ISL2: variants seen among roughly 807,000 people sequenced by gnomAD.
ISL2 encodes ISL LIM homeobox 2, also known as insulin gene enhancer protein ISL-2.
A neutral mutation model predicts 34.6 loss-of-function variants in ISL2; 17 were observed. That is an observed-to-expected ratio of 0.49 (90% CI 0.34 to 0.74). The LOEUF (loss-of-function observed/expected upper bound fraction) is 0.74. Among genes scored for constraint, ISL2 ranks in the 30% least tolerant of loss-of-function variants. The probability of loss-of-function intolerance (pLI) is 0.01; values close to 1 mark genes in which losing one functional copy is unlikely to be tolerated. For missense variants in ISL2, 469 were observed against 515.2 expected, an observed-to-expected ratio of 0.91 and a Z score of 0.87; for synonymous variants, 232 against 225.5, an observed-to-expected ratio of 1.03 and a Z score of -0.26.
At chr15:76,338,116 G>A in intron 2 of ISL2, 136 bp from the exon 3 acceptor site, 2 of 1,359,654 alleles carry the variant, frequency 1.5e-6, no homozygotes, top group Non-Finnish European at 1.9e-6. Context: ...CCCGGGCCCG[G>A]GAATGCCCGC....
chr15:76,341,489 G>T lies in ISL2; in HGVS notation c.963+188G>T, dbSNP rs73448125. ...CGGCCCATTACGCGCCCTAAACCAG[G>T]TCTCCCTGGATTAAAGTGCTCACAA... On this transcript the variant is annotated intron_variant, in intron 5 of 5. Coordinates refer to ENST00000290759, the MANE Select transcript of ISL2 (RefSeq NM_145805.3). Among the ~76,000 whole-genome samples the T allele has an allele frequency of 4.4e-3, 671 of 152,328 alleles. 8 individuals carry two copies. Among genetic ancestry groups the T allele is most frequent in the African/African-American group, 0.015 (639 of 41,566 alleles).
intron 4 of ISL2, among the ~76,000 whole-genome samples, 194 bp downstream of exon 4, chr15:76,340,753 C>T (rs567965861): frequency 6.6e-6 from 1 of 152,378 alleles, no homozygotes; most frequent in Admixed American, 6.5e-5. Flanking sequence ...ATCGGGGTTT[C>T]TCCTTGTCCC....
In ISL2 at chr15:76,341,135, G is replaced by A. The variant is rs1453632220; in HGVS notation, c.797G>A (p.Ser266Asn). Residue 266 changes from serine (S) to asparagine (N), a missense_variant and splice_region_variant, in exon 5 of 6, where the codon AGC becomes AAC. Transcript: ENST00000290759. The stretch of plus-strand genomic sequence containing the variant: ...TACTGCCTTCTGCTTGCCCCGCAGA[G>A]CCTTCAGGGACTGACTGGGACGCCC... ...LQQQQHSDKT[S>N]LQGLTGTPLV... 1.9e-6 allele frequency: 3 copies of A among 1,587,428 alleles called. No homozygotes were observed. The African/African-American group carries it at 4.0e-5, about 21-fold the overall frequency.
Position 76,336,815 on chromosome 15 carries a change from C to T in ISL2, c.-69C>T. On this transcript the variant is annotated 5_prime_UTR_variant, in exon 1 of 6. Transcript: ENST00000290759. Reference sequence around the variant, plus strand: ...CAGTAGGAGTTAGTTAGCAAAGAGCCGAGGCCGGGCGCGCGACCCTCGTCC... The same window carrying T: ...CAGTAGGAGTTAGTTAGCAAAGAGCTGAGGCCGGGCGCGCGACCCTCGTCC... The T allele has an allele frequency of 7.1e-7, 1 of 1,405,354 alleles. No individual in the cohort carries two copies. Among genetic ancestry groups the T allele is most frequent in the Non-Finnish European group, 1.0e-6 (1 of 990,824 alleles). The allele number at this position is 1,405,354 out of a possible 1,614,324, so 87.1% of individuals were successfully genotyped here. A position where few individuals can be genotyped will look rare whatever the true frequency, so the allele number is the denominator to read the frequency against.
At chr15:76,337,229 G>GT (rs1449369211) in intron 1 of ISL2, among the ~76,000 whole-genome samples, 2 of 88,702 alleles carry the variant, frequency 2.3e-5, no homozygotes, top group Admixed American at 1.1e-4. Context: ...TAGGGATGTG[G>GT]GTTTTTTTTT....
At chr15:76,339,447 G>C in intron 3 of ISL2, 1 of 985,462 alleles carries the variant, frequency 1.0e-6, no homozygotes, top group Non-Finnish European at 1.2e-6. Context: ...ATGTGAAATG[G>C]GAGCAAGCGG....
Position 76,336,920 on chromosome 15 carries a change from G to A in ISL2, c.37G>A (p.Ala13Thr), listed in dbSNP as rs770176399. The A allele has an allele frequency of 5.0e-6, 8 of 1,612,904 alleles. No individual in the cohort carries two copies. The highest frequency in any genetic ancestry group is 5.9e-6 in the Non-Finnish European group (7 of 1,178,910). The change falls in exon 1 of 6, where the codon GCT becomes ACT. Residue 13 changes from alanine (A) to threonine (T), a missense_variant. Coordinates refer to ENST00000290759, the MANE Select transcript of ISL2 (RefSeq NM_145805.3). ...TATTTTTCATTATCCTTTTCTGGGT[G>A]CTATGGGTGATCATTCCAAGAGTAA... ...DIIFHYPFLG[A>T]MGDHSKKKPG...
chr15:76,338,436 C>G lies in ISL2; in HGVS notation c.433C>G (p.Leu145Val). ...GCTGCTCTGCCGCGCCGACCACGGC[C>G]TCCTGCTCGAGCGCGCCGCGGCCGG... Reference protein sequence around the residue: ...HELLCRADHGLLLERAAAGSP... With the variant: ...HELLCRADHGVLLERAAAGSP... The change falls in exon 3 of 6, where the codon CTC (leucine) becomes GTC (valine). Residue 145 changes from leucine (L) to valine (V), a missense_variant. Coordinates refer to ENST00000290759, the MANE Select transcript of ISL2 (RefSeq NM_145805.3). 6.8e-7 allele frequency: 1 copy of G among 1,466,950 alleles called. No homozygotes were observed. Among genetic ancestry groups the G allele is most frequent in the Non-Finnish European group, 9.0e-7 (1 of 1,114,206 alleles). 90.9% of individuals were successfully genotyped at this position (1,466,950 alleles called of 1,614,324 possible).
intron 1 of ISL2, 30 bp downstream of exon 1, chr15:76,336,971 GGTGT>G: frequency 1.3e-6 from 2 of 1,584,840 alleles, no homozygotes; most frequent in Non-Finnish European, 1.7e-6. Flanking sequence ...TGTGGGGTGG[GGTGT>G]GTGTGTATGC....
intron 3 of ISL2, chr15:76,339,975 C>T (rs979462255): frequency 9.3e-5 from 113 of 1,218,778 alleles, no homozygotes; most frequent in Admixed American, 2.9e-4. Context: ...CTGGAGGAGG[C>T]ACATCCCTGA....
rs1403821472 is a variant in ISL2, at chr15:76,341,708, C to T, written c.964-11C>T. 1 of 1,597,992 alleles carries T rather than the reference C, an allele frequency of 6.3e-7. No individual in the cohort carries two copies. Among genetic ancestry groups the T allele is most frequent in the South Asian group, 1.1e-5 (1 of 90,738 alleles). On this transcript the variant is annotated splice_polypyrimidine_tract_variant and intron_variant, in intron 5 of 5. Transcript: ENST00000290759. ...TTCACCTGCCTCTTCCCGGTGTTTCCGCCGCCCCAGGTCTCCTTCTCCGAG... is the reference window on the plus strand; with the variant it reads ...TTCACCTGCCTCTTCCCGGTGTTTCTGCCGCCCCAGGTCTCCTTCTCCGAG...
Position 76,337,761 on chromosome 15 carries a change from GC to G in ISL2, c.59-16del. ...GGGCAGTCAGGCCTGACGCGGCCCC[GC>G]GCCCTTCCCCGGCAGAGAAGCCCGG... On this transcript the variant is annotated splice_polypyrimidine_tract_variant and intron_variant, in intron 1 of 5. Transcript: ENST00000290759. 6.4e-7 allele frequency: 1 copy of G among 1,561,592 alleles called. No homozygotes were observed. Among genetic ancestry groups the G allele is most frequent in the Middle Eastern group, 1.7e-4 (1 of 5,880 alleles).
chr15:76,339,573 G>A, intron 3 of ISL2: 1 of 985,602 alleles, frequency 1.0e-6, no homozygotes, highest in African/African-American at 1.7e-5. Context: ...AGAACCTGGG[G>A]CCAAGCGAGG....
Position 76,341,194 on chromosome 15 carries a change from G to A in ISL2, c.856G>A (p.Ala286Thr), listed in dbSNP as rs779333543. 1 of 1,612,868 alleles carries A rather than the reference G, an allele frequency of 6.2e-7. No homozygotes were observed. The highest frequency in any genetic ancestry group is 1.7e-5 in the Admixed American group (1 of 60,006). Reference sequence around the variant, plus strand: ...GGGCAGTCCCATCCGCCATGAGAACGCCGTGCAGGGCAGCGCAGTGGAGGT... The same window carrying A: ...GGGCAGTCCCATCCGCCATGAGAACACCGTGCAGGGCAGCGCAGTGGAGGT... ...VAGSPIRHENAVQGSAVEVQT... is the reference protein window; with the variant it reads ...VAGSPIRHENTVQGSAVEVQT... Residue 286 changes from alanine to threonine, a missense_variant, in exon 5 of 6, where the codon GCC (alanine) becomes ACC (threonine). By Grantham distance (58) the Ala-to-Thr change is moderately conservative. Transcript: ENST00000290759.
At chr15:76,339,084 G>A in intron 3 of ISL2, 3 of 985,394 alleles carry the variant, frequency 3.0e-6, no homozygotes, top group Non-Finnish European at 3.6e-6. Flanking sequence ...GACTGTCACT[G>A]GAATATTCTG....
In ISL2 at chr15:76,340,591, G is replaced by C. The variant is rs1297979366; in HGVS notation, c.795+32G>C. On this transcript the variant is annotated intron_variant, in intron 4 of 5. Transcript: ENST00000290759. ...AGCCGCTGGGCCGGAGGCTCGAGTC[G>C]GGTGGGGGCTGCGCTTCCGCCGCGG... 5.7e-6 allele frequency: 9 copies of C among 1,583,376 alleles called. No individual in the cohort carries two copies. In the Admixed American group the frequency reaches 1.4e-4, roughly 24 times the overall value.
Position 76,337,849 on chromosome 15 carries a change from C to T in ISL2, c.130C>T (p.Pro44Ser). Residue 44 changes from proline (P) to serine (S), a missense_variant, in exon 2 of 6, where the codon CCC (proline) becomes TCC (serine). By Grantham distance (74) the Pro-to-Ser change is moderately conservative. Transcript: ENST00000290759. ...IHDQFILRVS[P>S]DLEWHAACLK... The stretch of plus-strand genomic sequence containing the variant: ...CGACCAGTTTATCCTGCGGGTGTCG[C>T]CCGACCTCGAGTGGCACGCGGCCTG... The T allele has an allele frequency of 6.2e-7, 1 of 1,612,428 alleles. No individual in the cohort carries two copies. The highest frequency in any genetic ancestry group is 8.5e-7 in the Non-Finnish European group (1 of 1,179,570).
chr15:76,338,332 A>G lies in ISL2; in HGVS notation c.329A>G (p.Tyr110Cys). ...GTGATGAGGGCGCGGGACAGCGTGT[A>G]CCACATCGAGTGCTTCCGCTGCTCC... Reference protein sequence around the residue: ...DLVMRARDSVYHIECFRCSVC... With the variant: ...DLVMRARDSVCHIECFRCSVC... Residue 110 changes from tyrosine (Y) to cysteine (C), a missense_variant, in exon 3 of 6, where the codon TAC becomes TGC. Physicochemically the swap from Tyr to Cys is radical, Grantham distance 194 (BLOSUM62 -2). Around this residue, in one of 3 missense-constraint regions of ISL2, gnomAD observed 297 missense variants for 337.8 expected, o/e 0.88. Coordinates refer to ENST00000290759, the MANE Select transcript of ISL2 (RefSeq NM_145805.3). 6.3e-7 allele frequency: 1 copy of G among 1,578,450 alleles called. No individual in the cohort carries two copies. Among genetic ancestry groups the G allele is most frequent in the Non-Finnish European group, 8.6e-7 (1 of 1,168,274 alleles).
chr15:76,339,315 G>A (rs1566965146), intron 3 of ISL2: 2 of 984,492 alleles, frequency 2.0e-6, no homozygotes, highest in Non-Finnish European at 2.4e-6. Context: ...ATAGAAAGAG[G>A]AAACTGGGCT....
Sources: gnomAD v4.1 joint callset for allele counts (sites outside exome capture counted in the v4.1 genomes callset) on GRCh38, gnomAD v4.1.1 for gene constraint, gnomAD v4.1.1 regional missense constraint, MANE v1.5 for transcripts, NCBI Gene and HGNC (gene_info 2026-07-23, HGNC 2026-07-21) for gene names.